Variants in TRHDE observed in about 807,000 individuals in gnomAD.
TRHDE encodes the protein thyrotropin-releasing hormone-degrading ectoenzyme.
TRHDE carries 72 observed loss-of-function variants against 125.7 expected under a neutral mutation model. That is an observed-to-expected ratio of 0.57 (90% CI 0.47 to 0.70). TRHDE has a LOEUF of 0.70. Among genes scored for constraint, TRHDE ranks in the 30% least tolerant of loss-of-function variants. The pLI is 0.00. For missense variants in TRHDE, 1,110 were observed against 1,327.1 expected, an observed-to-expected ratio of 0.84 and a Z score of 2.54; for synonymous variants, 509 against 509.1, an observed-to-expected ratio of 1.00 and a Z score of 0.00.
Position 72,273,781 on chromosome 12 carries a change from G to T in TRHDE, c.914+224G>T, listed in dbSNP as rs968847016. The T allele has an allele frequency of 5.5e-6, 3 of 544,910 alleles. No homozygotes were observed. Among genetic ancestry groups the T allele is most frequent in the Non-Finnish European group, 9.8e-6 (3 of 305,244 alleles). 33.8% of individuals were successfully genotyped at this position (544,910 alleles called of 1,614,324 possible). On this transcript the variant is annotated intron_variant, in intron 1 of 18. Transcript: ENST00000261180. The surrounding 1 kb of genome is among the most constrained non-coding windows in gnomAD (Gnocchi z 5.3). ...GCAAACTGACTCACCGGTGCCAAAA[G>T]ATGAATGCTGCCCCCTCCTCTAGTC...
chr12:72,442,420 C>T (rs960711722), intron 3 of TRHDE, among the ~76,000 whole-genome samples: 3 of 151,904 alleles, frequency 2.0e-5, no homozygotes, highest in Admixed American at 6.6e-5. Context: ...AGCAGTCTGG[C>T]TCTCATCCCC....
At chr12:72,200,829 A>G (rs1288398981) in intron 2 of TRHDE, among the ~76,000 whole-genome samples, 1 of 152,134 alleles carries the variant, frequency 6.6e-6, no homozygotes, top group African/African-American at 2.4e-5. Context: ...AGCTTATATA[A>G]TACAGATAGG....
rs773195734 is a variant in TRHDE, at chr12:72,286,828, C to T, written c.1062C>T (p.Ser354=). ...TATCTAATATGCCAGTGGAAACTTCCGTGTTTGAGGAAGATGGATGGGTTA... is the reference window on the plus strand; with the variant it reads ...TATCTAATATGCCAGTGGAAACTTCTGTGTTTGAGGAAGATGGATGGGTTA... ...LSLSNMPVET[S]VFEEDGWVTD... is the part of the protein sequence containing the mutation. Residue 354 remains serine (S), a synonymous_variant, in exon 2 of 19, where the codon TCC becomes TCT. Transcript: ENST00000261180. 4.8e-5 allele frequency: 78 copies of T among 1,613,546 alleles called. 2 individuals are homozygous for T. The Middle Eastern group carries it at 5.9e-3, about 122-fold the overall frequency.
chr12:72,576,953 T>C (rs1394861433), intron 12 of TRHDE, among the ~76,000 whole-genome samples: 1 of 152,186 alleles, frequency 6.6e-6, no homozygotes, highest in Non-Finnish European at 1.5e-5. Context: ...CACCATCTTA[T>C]TGGGCAAAAA....
chr12:72,313,112 G>T (rs1304129110), intron 2 of TRHDE, among the ~76,000 whole-genome samples: 7 of 151,664 alleles, frequency 4.6e-5, no homozygotes, highest in African/African-American at 1.7e-4. Flanking sequence ...TTTCATTATT[G>T]TGGGCAATAT....
In TRHDE at chr12:72,180,678, G is replaced by A. The variant is rs527708758; in HGVS notation, n.279+74926G>A. ...TGTCCATGCAGTTGAGTTTGGCCAG[G>A]AGATTGAGTTCTAGCCAATGAATGG... is the stretch of plus-strand genomic sequence containing the variant. On this transcript the variant is annotated intron_variant and non_coding_transcript_variant, in intron 2 of 4. Transcript: ENST00000548156. 2.0e-5 allele frequency among the ~76,000 whole-genome samples: 3 copies of A among 152,242 alleles called. No homozygotes were observed. In the South Asian group the frequency reaches 6.2e-4, roughly 32 times the overall value.
intron 2 of TRHDE, among the ~76,000 whole-genome samples, chr12:72,183,117 A>G (rs1215001082): frequency 6.6e-6 from 1 of 152,126 alleles, no homozygotes; most frequent in Non-Finnish European, 1.5e-5. Context: ...CTTTATAACA[A>G]ACTTCTATTA....
chr12:72,378,570 C>G (rs1223689608), intron 3 of TRHDE, among the ~76,000 whole-genome samples: 1 of 152,182 alleles, frequency 6.6e-6, no homozygotes, highest in Non-Finnish European at 1.5e-5. Flanking sequence ...ACTCCCCGAA[C>G]AACTCAATAT....
At chr12:72,217,897 G>T (rs1877925406) in intron 2 of TRHDE, among the ~76,000 whole-genome samples, 1 of 151,944 alleles carries the variant, frequency 6.6e-6, no homozygotes. Context: ...ATTTATTTCT[G>T]CATATTAAGA....
chr12:72,336,184 C>G (rs529027197), intron 2 of TRHDE, among the ~76,000 whole-genome samples: 22 of 152,142 alleles, frequency 1.4e-4, no homozygotes, highest in African/African-American at 5.1e-4. Flanking sequence ...TTTATTATAC[C>G]TGTTTTGCCA....
chr12:72,597,129 A>G (rs1871973783), intron 12 of TRHDE, among the ~76,000 whole-genome samples: 1 of 152,160 alleles, frequency 6.6e-6, no homozygotes, highest in Admixed American at 6.6e-5. Context: ...AGATAGCACT[A>G]TAAGAAAGTA....
intron 2 of TRHDE, among the ~76,000 whole-genome samples, chr12:72,353,758 CA>C (rs1870689011): frequency 6.6e-6 from 1 of 151,422 alleles, no homozygotes; most frequent in African/African-American, 2.4e-5. Flanking sequence ...ATCAAATTTG[CA>C]AAAGTGGGAG....
At chr12:72,183,698 G>GT (rs1416285823) in intron 2 of TRHDE, among the ~76,000 whole-genome samples, 5 of 152,116 alleles carry the variant, frequency 3.3e-5, no homozygotes, top group African/African-American at 1.2e-4. Context: ...TTGGAGTCTA[G>GT]TCTAAGTTTT....
At chr12:72,427,386 G>C (rs896932807) in intron 3 of TRHDE, among the ~76,000 whole-genome samples, 1 of 152,050 alleles carries the variant, frequency 6.6e-6, no homozygotes, top group Non-Finnish European at 1.5e-5. Context: ...CAGCTTCTGG[G>C]TAGGGCTGTA....
intron 18 of TRHDE, among the ~76,000 whole-genome samples, chr12:72,657,682 G>T (rs562204933): frequency 2.0e-5 from 3 of 152,070 alleles, no homozygotes; most frequent in Non-Finnish European, 4.4e-5. Context: ...TATTACTCTG[G>T]AAATTTAAGC....
rs781182124 is a variant in TRHDE, at chr12:72,273,536, A to G, written c.893A>G (p.Tyr298Cys). The G allele has an allele frequency of 1.2e-6, 2 of 1,601,806 alleles. No homozygotes were observed. The highest frequency in any genetic ancestry group is 1.1e-5 in the South Asian group (1 of 91,032). The part of the protein sequence containing the change: ...NELLGFFRSS[Y>C]VLHGERRFLG... The stretch of plus-strand genomic sequence containing the variant: ...CTCCTGGGCTTCTTCCGCAGCTCCT[A>G]TGTGCTCCACGGGGAGAGAAGGTAT... Residue 298 changes from tyrosine to cysteine, a missense_variant, in exon 1 of 19, where the codon TAT becomes TGT. Around this residue, in one of 5 missense-constraint regions of TRHDE, gnomAD observed 252 missense variants for 274.8 expected, o/e 0.92. Coordinates refer to ENST00000261180, the MANE Select transcript of TRHDE (RefSeq NM_013381.3). This position sits in a 1 kb window ranked among gnomAD's most constrained non-coding sequence, Gnocchi z 5.3.
At chr12:72,261,973 A>G (rs572580719) in intron 2 of TRHDE, among the ~76,000 whole-genome samples, 2 of 152,296 alleles carry the variant, frequency 1.3e-5, no homozygotes, top group East Asian at 1.9e-4. Flanking sequence ...TCAGTTCACA[A>G]TGGAACACCA....
chr12:72,228,081 T>G (rs2687494), intron 2 of TRHDE, among the ~76,000 whole-genome samples: 43,035 of 152,118 alleles, frequency 0.28, 6,532 homozygotes, highest in African/African-American at 0.36. Flanking sequence ...GGTGTCTGCA[T>G]GACAGTGTCC....
chr12:72,428,955 C>T (rs1204706456), intron 3 of TRHDE, among the ~76,000 whole-genome samples: 1 of 151,954 alleles, frequency 6.6e-6, no homozygotes, highest in African/African-American at 2.4e-5. Flanking sequence ...GGCTAAAATT[C>T]CATTGTATAG....
Sources: gnomAD v4.1 joint callset for allele counts (sites outside exome capture counted in the v4.1 genomes callset) on GRCh38, gnomAD v4.1.1 for gene constraint, gnomAD v4.1.1 regional missense constraint, Gnocchi (gnomAD v3.1) non-coding constraint, MANE v1.5 for transcripts, NCBI Gene and HGNC (gene_info 2026-07-23, HGNC 2026-07-21) for gene names.